LRMDA: variants seen among roughly 807,000 people sequenced by gnomAD.
LRMDA encodes leucine-rich melanocyte differentiation-associated protein.
A neutral mutation model predicts 29.8 loss-of-function variants in LRMDA; 18 were observed. That is an observed-to-expected ratio of 0.60 (90% confidence interval 0.42 to 0.90). The LOEUF (loss-of-function observed/expected upper bound fraction) is 0.90. Ranked by LOEUF, LRMDA falls within the 40% of genes least tolerant of loss-of-function variation. The pLI is 0.00. For synonymous variants in LRMDA, 125 were observed against 109.4 expected (o/e 1.14, Z -0.89); for missense variants, 273 against 273.9 (o/e 1.00, Z 0.02).
At chr10:76,129,172 G>T (rs1369676755) in intron 5 of LRMDA, among the ~76,000 whole-genome samples, 3 of 152,076 alleles carry the variant, frequency 2.0e-5, no homozygotes, top group African/African-American at 7.2e-5. Flanking sequence ...CCATCCAATT[G>T]ACAAGTGAAC....
At chr10:75,503,159 G>A (rs1002992588) in intron 2 of LRMDA, among the ~76,000 whole-genome samples, 1 of 152,092 alleles carries the variant, frequency 6.6e-6, no homozygotes, top group Non-Finnish European at 1.5e-5. Flanking sequence ...TGGACATGAG[G>A]CTGCCCACTG....
At chr10:75,891,226 T>C (rs563566388) in intron 2 of LRMDA, among the ~76,000 whole-genome samples, 5 of 152,246 alleles carry the variant, frequency 3.3e-5, no homozygotes, top group African/African-American at 9.6e-5. Flanking sequence ...CCCTTCCCTG[T>C]AGGAAGAAAC....
intron 3 of LRMDA, among the ~76,000 whole-genome samples, chr10:76,044,126 C>T (rs1211693857): frequency 6.6e-6 from 1 of 152,180 alleles, no homozygotes; most frequent in African/African-American, 2.4e-5. Flanking sequence ...GGAACAAGGG[C>T]CTGGCCTTGA....
chr10:75,756,282 T>C (rs1415519305), intron 2 of LRMDA, among the ~76,000 whole-genome samples: 1 of 152,204 alleles, frequency 6.6e-6, no homozygotes, highest in Non-Finnish European at 1.5e-5. Context: ...TTCCAGAAAG[T>C]CTTCTTAAAA....
In LRMDA at chr10:76,202,898, C is replaced by A. The variant is rs539854787; in HGVS notation, c.517-121503C>A. On this transcript the variant is annotated intron_variant, in intron 5 of 6. Coordinates refer to ENST00000611255, the MANE Select transcript of LRMDA (RefSeq NM_001305581.2). The stretch of plus-strand genomic sequence containing the variant: ...ACAGTTATCCCTGTTCCCTGCTCTG[C>A]GGAGAAATCACCAGCTTAGCAACAC... 5.3e-5 allele frequency among the ~76,000 whole-genome samples: 8 copies of A among 152,226 alleles called. No individual in the cohort carries two copies. The South Asian group carries it at 8.3e-4, about 16-fold the overall frequency.
chr10:76,033,032 T>C (rs1270234655), intron 2 of LRMDA, among the ~76,000 whole-genome samples: 3 of 152,036 alleles, frequency 2.0e-5, no homozygotes, highest in Non-Finnish European at 4.4e-5. Flanking sequence ...TTTCTCCTAT[T>C]CCTCCCTAGA....
intron 5 of LRMDA, among the ~76,000 whole-genome samples, chr10:76,144,889 G>A (rs547746491): frequency 6.6e-6 from 1 of 152,284 alleles, no homozygotes; most frequent in South Asian, 2.1e-4. Flanking sequence ...TTTATTGAGA[G>A]TTTTTAGCAT....
At chr10:75,970,056 G>A (rs1447463066) in intron 2 of LRMDA, among the ~76,000 whole-genome samples, 2 of 152,172 alleles carry the variant, frequency 1.3e-5, no homozygotes, top group Admixed American at 6.5e-5. Context: ...TTTGCCACTT[G>A]ATGACCCCAA....
chr10:76,544,658 A>G (rs1344113485), intron 6 of LRMDA, among the ~76,000 whole-genome samples: 1 of 151,906 alleles, frequency 6.6e-6, no homozygotes, highest in Non-Finnish European at 1.5e-5. Context: ...TCCTTAACCT[A>G]CAGTTTCTTG....
intron 6 of LRMDA, among the ~76,000 whole-genome samples, chr10:76,327,826 A>C (rs1422281838): frequency 6.6e-6 from 1 of 152,218 alleles, no homozygotes; most frequent in Non-Finnish European, 1.5e-5. Flanking sequence ...CCAAACCATC[A>C]GGGATGGGTG....
intron 2 of LRMDA, among the ~76,000 whole-genome samples, chr10:75,477,394 GA>G (rs1234287131): frequency 4.6e-5 from 7 of 152,130 alleles, no homozygotes; most frequent in African/African-American, 9.7e-5. Context: ...TCTTTTGGGG[GA>G]TGGGTACAAT....
At chr10:76,198,059 T>C (rs1452193939) in intron 5 of LRMDA, among the ~76,000 whole-genome samples, 1 of 152,218 alleles carries the variant, frequency 6.6e-6, no homozygotes, top group African/African-American at 2.4e-5. Flanking sequence ...AGTGATTCAG[T>C]AGGACCATGT....
intron 6 of LRMDA, among the ~76,000 whole-genome samples, chr10:76,376,865 CTTTTTTTTTTTTTTTTTTTTTTTTT>C (rs71024600): frequency 4.2e-5 from 2 of 47,384 alleles, no homozygotes; most frequent in Admixed American, 2.8e-4. Flanking sequence ...ACTTGGAAGT[CTTTTTTTTTTTTTTTTTTTTTTTTT>C]TTTTTTTTTT....
chr10:76,445,346 C>T (rs1306294722), intron 6 of LRMDA, among the ~76,000 whole-genome samples: 2 of 152,194 alleles, frequency 1.3e-5, no homozygotes, highest in Non-Finnish European at 1.5e-5. Context: ...CCAGCACAGT[C>T]CCTCTTTGCT....
At chr10:76,347,608 A>G (rs574998716) in intron 6 of LRMDA, among the ~76,000 whole-genome samples, 7 of 152,312 alleles carry the variant, frequency 4.6e-5, no homozygotes, top group African/African-American at 1.7e-4. Context: ...CTCTGGGGAA[A>G]ATAGACCCCT....
At chr10:75,912,193 G>A (rs1256618986) in intron 2 of LRMDA, among the ~76,000 whole-genome samples, 2 of 151,738 alleles carry the variant, frequency 1.3e-5, no homozygotes, top group South Asian at 2.1e-4. Context: ...CCTTTCTCAT[G>A]TCCCCACTCT....
Position 75,854,548 on chromosome 10 carries a change from A to AATTT in LRMDA, c.132-181437_132-181434dup, listed in dbSNP as rs532173091. On this transcript the variant is annotated intron_variant, in intron 2 of 6. Coordinates refer to ENST00000611255, the MANE Select transcript of LRMDA (RefSeq NM_001305581.2). ...TAATCAAGGCTTTGGAAAAATGACC[A>AATTT]ATTTATTTATTTATTTATTTATTTA... 6.3e-3 allele frequency among the ~76,000 whole-genome samples: 961 copies of AATTT among 152,020 alleles called. 8 individuals are homozygous for AATTT. The highest frequency in any genetic ancestry group is 0.016 in the African/African-American group (648 of 41,470).
At chr10:76,024,347 G>C (rs150539069) in intron 2 of LRMDA, among the ~76,000 whole-genome samples, 1 of 152,202 alleles carries the variant, frequency 6.6e-6, no homozygotes, top group Non-Finnish European at 1.5e-5. Flanking sequence ...TTAGGTGCTA[G>C]TACACAGGGC....
At chr10:75,464,077 C>T (rs555302301) in intron 2 of LRMDA, among the ~76,000 whole-genome samples, 1 of 152,362 alleles carries the variant, frequency 6.6e-6, no homozygotes, top group East Asian at 1.9e-4. Flanking sequence ...GCTGGGATTA[C>T]AGGCGTGAGC....
Sources: allele counts gnomAD v4.1 joint callset (sites outside exome capture counted in the v4.1 genomes callset), GRCh38; gene constraint gnomAD v4.1.1; transcripts MANE v1.5; gene names NCBI Gene and HGNC (gene_info 2026-07-23, HGNC 2026-07-21).